THSD7B: variants seen among roughly 807,000 people sequenced by gnomAD.
THSD7B encodes thrombospondin type-1 domain-containing protein 7B.
THSD7B carries 138 observed loss-of-function variants against 213.6 expected under a neutral mutation model. The ratio of observed to expected loss-of-function variants is 0.65; its 90% CI spans 0.56 to 0.74. The LOEUF is 0.74. Ranked by LOEUF, THSD7B falls within the 30% of genes least tolerant of loss-of-function variation. THSD7B has a pLI of 0.00. For synonymous variants in THSD7B, 742 were observed against 687.0 expected (o/e 1.08, Z -1.25); for missense variants, 1,931 against 1,991.5 (o/e 0.97, Z 0.58).
intron 12 of THSD7B, among the ~76,000 whole-genome samples, chr2:137,396,139 AG>A (rs888065564): frequency 6.8e-6 from 1 of 146,092 alleles, no homozygotes; most frequent in Non-Finnish European, 1.5e-5. Flanking sequence ...AATTTTTTGA[AG>A]GGTTTTTTGT....
chr2:137,148,684 G>T (rs992630776), intron 5 of THSD7B, among the ~76,000 whole-genome samples: 2 of 152,138 alleles, frequency 1.3e-5, no homozygotes, highest in Non-Finnish European at 2.9e-5. Context: ...GTCACTTTTG[G>T]TATGCAAAGA....
chr2:137,350,182 TAGTCA>T (rs917893876), intron 12 of THSD7B, among the ~76,000 whole-genome samples: 36 of 151,934 alleles, frequency 2.4e-4, no homozygotes, highest in African/African-American at 8.4e-4. Flanking sequence ...TTTATTAAAA[TAGTCA>T]AGTCATGTTC....
chr2:137,097,658 G>T (rs1168728947), intron 4 of THSD7B, among the ~76,000 whole-genome samples: 1 of 152,038 alleles, frequency 6.6e-6, no homozygotes, highest in Non-Finnish European at 1.5e-5. Flanking sequence ...ATGAGTTTCT[G>T]TATGGATCTT....
chr2:137,000,161 A>C (rs948053007), intron 2 of THSD7B, among the ~76,000 whole-genome samples: 1 of 152,148 alleles, frequency 6.6e-6, no homozygotes, highest in Non-Finnish European at 1.5e-5. Context: ...TGACAAGAGA[A>C]GTTCAGTTGC....
At chr2:136,954,714 C>CAAAAAAAAAAAAAAAAAAAAAAAAAAAAA (rs11378111) in intron 2 of THSD7B, among the ~76,000 whole-genome samples, 17 of 89,400 alleles carry the variant, frequency 1.9e-4, no homozygotes, top group African/African-American at 9.5e-4. Context: ...GACTCTGTCT[C>CAAAAAAAAAAAAAAAAAAAAAAAAAAAAA]AAAAAAAAAA....
intron 4 of THSD7B, among the ~76,000 whole-genome samples, chr2:137,112,069 C>T (rs990762873): frequency 1.3e-5 from 2 of 152,076 alleles, no homozygotes; most frequent in Non-Finnish European, 2.9e-5. Flanking sequence ...ATCGCTGTAA[C>T]AACTTCTAAA....
intron 12 of THSD7B, among the ~76,000 whole-genome samples, chr2:137,334,728 A>G (rs1018442879): frequency 8.5e-5 from 13 of 152,190 alleles, no homozygotes; most frequent in Non-Finnish European, 1.5e-5. Flanking sequence ...TTAAATATGA[A>G]TAGAAATAGA....
At chr2:137,530,246 C>T (rs543554980) in intron 15 of THSD7B, among the ~76,000 whole-genome samples, 3 of 152,028 alleles carry the variant, frequency 2.0e-5, no homozygotes, top group South Asian at 4.2e-4. Context: ...GAAAATTGAA[C>T]GTTTCATGGA....
chr2:137,184,237 C>T (rs1680509780), intron 7 of THSD7B, among the ~76,000 whole-genome samples: 1 of 152,206 alleles, frequency 6.6e-6, no homozygotes, highest in Non-Finnish European at 1.5e-5. Flanking sequence ...GGGCTAAGCA[C>T]TGTGAGAAAC....
At chr2:137,054,890 C>A (rs1573792100) in intron 2 of THSD7B, among the ~76,000 whole-genome samples, 1 of 151,928 alleles carries the variant, frequency 6.6e-6, no homozygotes, top group Admixed American at 6.6e-5. Context: ...GTTTTAAGCC[C>A]CGCATGCATT....
chr2:137,131,003 A>C (rs937267145), intron 5 of THSD7B, among the ~76,000 whole-genome samples: 48 of 150,616 alleles, frequency 3.2e-4, no homozygotes, highest in Admixed American at 3.1e-3. Flanking sequence ...CAACAGTGTA[A>C]AAGTGTTCCT....
At chr2:136,769,885 G>C (rs1681474229) in intron 1 of THSD7B, among the ~76,000 whole-genome samples, 2 of 152,208 alleles carry the variant, frequency 1.3e-5, no homozygotes, top group African/African-American at 2.4e-5. Context: ...TGCAGCAAGG[G>C]ACATGATGCT....
chr2:137,327,753 T>C (rs1169101529), intron 12 of THSD7B, among the ~76,000 whole-genome samples: 1 of 152,230 alleles, frequency 6.6e-6, no homozygotes, highest in East Asian at 1.9e-4. Flanking sequence ...GCAATAGTTT[T>C]AGAATTGTTA....
intron 1 of THSD7B, among the ~76,000 whole-genome samples, chr2:136,836,927 A>G (rs1682852707): frequency 6.6e-6 from 1 of 152,160 alleles, no homozygotes; most frequent in Non-Finnish European, 1.5e-5. Flanking sequence ...TTGCCAGGCC[A>G]AAAACCTGAG....
chr2:137,449,672 T>C (rs1687608861), intron 14 of THSD7B, among the ~76,000 whole-genome samples: 1 of 152,188 alleles, frequency 6.6e-6, no homozygotes, highest in Non-Finnish European at 1.5e-5. Flanking sequence ...CAGTTTCCTG[T>C]CATGTGACCA....
intron 2 of THSD7B, among the ~76,000 whole-genome samples, chr2:136,893,589 C>T (rs541288490): frequency 2.6e-5 from 4 of 152,180 alleles, no homozygotes; most frequent in South Asian, 2.1e-4. Flanking sequence ...AACAAAGGAA[C>T]CTTAAAAGCT....
At chr2:137,119,385 A>G (rs1477366364) in intron 5 of THSD7B, among the ~76,000 whole-genome samples, 6 of 152,218 alleles carry the variant, frequency 3.9e-5, no homozygotes, top group Non-Finnish European at 5.9e-5. Context: ...TAATTGAACT[A>G]TTGACTACGT....
At chr2:136,882,075 G>C (rs1349896027) in intron 1 of THSD7B, 69 bp from the exon 2 acceptor site, 2 of 1,221,604 alleles carry the variant, frequency 1.6e-6, no homozygotes, top group Non-Finnish European at 2.1e-6. Flanking sequence ...AAAGGTTCTA[G>C]CAGTCAAAAT....
chr2:137,093,761 T>TA (rs915880331), intron 3 of THSD7B, among the ~76,000 whole-genome samples: 184 of 151,102 alleles, frequency 1.2e-3, no homozygotes, highest in Non-Finnish European at 1.9e-3. Context: ...TCTTTTTTTT[T>TA]AATTTTATTA....
Sources: allele counts gnomAD v4.1 joint callset (sites outside exome capture counted in the v4.1 genomes callset), GRCh38; gene constraint gnomAD v4.1.1; transcripts MANE v1.5; gene names NCBI Gene and HGNC (gene_info 2026-07-23, HGNC 2026-07-21).